PCBP3: variants seen among roughly 807,000 people sequenced by gnomAD.
PCBP3 encodes poly(rC) binding protein 3.
In PCBP3, 25 loss-of-function variants were observed where a neutral mutation model predicts 52.7. The ratio of observed to expected loss-of-function variants is 0.47; its 90% CI spans 0.35 to 0.66. The LOEUF (loss-of-function observed/expected upper bound fraction) is 0.66. Ranked by LOEUF, PCBP3 falls within the 30% of genes least tolerant of loss-of-function variation. The pLI is 0.01. For missense variants in PCBP3, 391 were observed against 490.3 expected, an observed-to-expected ratio of 0.80 and a Z score of 1.91; for synonymous variants, 162 against 183.0, an observed-to-expected ratio of 0.89 and a Z score of 0.93.
At chr21:45,848,183 G>T (rs11089024) in intron 4 of PCBP3, 20,965 of 152,232 alleles carry the variant, frequency 0.14, 1,600 homozygotes, top group Middle Eastern at 0.28. Flanking sequence ...TGGTGTGGGA[G>T]CAGCCTGACC....
At chr21:45,916,987 A>G (rs1449239352) in intron 12 of PCBP3, 1 of 152,174 alleles carries the variant, frequency 6.6e-6, no homozygotes, top group Non-Finnish European at 1.5e-5. Flanking sequence ...TACTGAAGCC[A>G]AAATGAGGCC....
At chr21:45,941,092 C>T (rs2077420040) in intron 17 of PCBP3, among the ~76,000 whole-genome samples, 1 of 152,228 alleles carries the variant, frequency 6.6e-6, no homozygotes, top group Non-Finnish European at 1.5e-5. Context: ...ACTTTACCCA[C>T]TGATGCCCCG....
At chr21:45,783,806 C>A (rs970372024) in intron 4 of PCBP3, among the ~76,000 whole-genome samples, 4 of 152,134 alleles carry the variant, frequency 2.6e-5, no homozygotes, top group Non-Finnish European at 5.9e-5. Context: ...CCTACTCACG[C>A]CAGCAGTGGT....
chr21:45,709,792 A>G (rs2083707327), intron 2 of PCBP3, among the ~76,000 whole-genome samples: 1 of 152,148 alleles, frequency 6.6e-6, no homozygotes, highest in Admixed American at 6.6e-5. Context: ...TTTCTGTTCC[A>G]GGATCCTAGC....
chr21:45,646,107 C>CTCTCTCTCTCTCTCTCTCTCTCTCTGTG (rs1555895746), intron 1 of PCBP3, among the ~76,000 whole-genome samples: 9 of 83,782 alleles, frequency 1.1e-4, no homozygotes, highest in Non-Finnish European at 1.8e-4. Context: ...CTCTCTCTCT[C>CTCTCTCTCTCTCTCTCTCTCTCTCTGTG]TGTGTGTGTG....
intron 5 of PCBP3, among the ~76,000 whole-genome samples, chr21:45,873,715 C>T (rs893186623): frequency 2.0e-5 from 3 of 152,232 alleles, no homozygotes; most frequent in African/African-American, 4.8e-5. Context: ...CATGTCTGTG[C>T]GCACCTGTTT....
intron 9 of PCBP3, among the ~76,000 whole-genome samples, chr21:45,901,821 T>C (rs2096065238): frequency 6.6e-6 from 1 of 152,158 alleles, no homozygotes; most frequent in South Asian, 2.1e-4. Context: ...TGAATGAAAT[T>C]TTAATGTCTT....
intron 5 of PCBP3, among the ~76,000 whole-genome samples, chr21:45,881,499 G>A (rs775684760): frequency 6.6e-6 from 1 of 152,086 alleles, no homozygotes; most frequent in African/African-American, 2.4e-5. Context: ...TTTTGCCCAG[G>A]CTGGTCTTGA....
intron 3 of PCBP3, among the ~76,000 whole-genome samples, chr21:45,747,461 C>T (rs1478037771): frequency 3.3e-5 from 5 of 152,232 alleles, no homozygotes; most frequent in Non-Finnish European, 7.3e-5. Flanking sequence ...TGGACTCTGG[C>T]CAGCACAAGC....
chr21:45,646,947 C>G (rs1229629164), intron 1 of PCBP3, among the ~76,000 whole-genome samples: 1 of 152,138 alleles, frequency 6.6e-6, no homozygotes, highest in Non-Finnish European at 1.5e-5. Flanking sequence ...AGAGCTATAT[C>G]TACTCTCTTT....
intron 4 of PCBP3, among the ~76,000 whole-genome samples, chr21:45,846,779 G>A (rs908242485): frequency 1.8e-4 from 28 of 152,330 alleles, no homozygotes; most frequent in African/African-American, 6.3e-4. Flanking sequence ...TTTGAGGTGA[G>A]GCTGGACCTT....
At position 45,853,073 on chromosome 21, in the gene PCBP3, C is replaced by G. The variant is rs567445963; in HGVS notation, c.10+2978C>G. ...GTGGACTCGCACCAGGCATTGGGAG[C>G]AGATGCGGAAAGTGCACATGCCGCT... On this transcript the variant is annotated intron_variant, in intron 5 of 17. Coordinates refer to ENST00000681687, the MANE Select transcript of PCBP3 (RefSeq NM_001384156.1). The surrounding 1 kb of genome is among the most constrained non-coding windows in gnomAD (Gnocchi z 4.6). 4.8e-3 allele frequency among the ~76,000 whole-genome samples: 736 copies of G among 152,274 alleles called. 3 individuals are homozygous for G. The highest frequency in any genetic ancestry group is 0.01 in the Middle Eastern group (3 of 294).
intron 15 of PCBP3, 96 bp from the exon 16 acceptor site, chr21:45,935,157 C>T (rs2076749200): frequency 2.4e-6 from 2 of 829,582 alleles, no homozygotes; most frequent in Non-Finnish European, 2.0e-6. Flanking sequence ...CTCTACAGCC[C>T]TGTCTCACTT....
chr21:45,789,683 G>A (rs1288596914), intron 4 of PCBP3, among the ~76,000 whole-genome samples: 1 of 152,190 alleles, frequency 6.6e-6, no homozygotes, highest in South Asian at 2.1e-4. Flanking sequence ...TGAGGAGCAG[G>A]TCATTTGTGG....
At chr21:45,725,605 A>C (rs1223422951) in intron 2 of PCBP3, among the ~76,000 whole-genome samples, 1 of 152,132 alleles carries the variant, frequency 6.6e-6, no homozygotes, top group East Asian at 1.9e-4. Flanking sequence ...CAGGGGACAC[A>C]CAGGCAGGGT....
At chr21:45,775,619 A>C (rs928404038) in intron 4 of PCBP3, among the ~76,000 whole-genome samples, 1 of 152,120 alleles carries the variant, frequency 6.6e-6, no homozygotes, top group Admixed American at 6.5e-5. Flanking sequence ...AGGTCTTGCT[A>C]TGTTGCCCAG....
At chr21:45,770,512 T>C (rs892211840) in intron 4 of PCBP3, among the ~76,000 whole-genome samples, 1 of 152,242 alleles carries the variant, frequency 6.6e-6, no homozygotes, top group African/African-American at 2.4e-5. Context: ...GGCAGAGATT[T>C]TTTTATGGCT....
Position 45,815,093 on chromosome 21 carries a change from A to ATGAGTGAGTGG in PCBP3, c.-125-34861_-125-34851dup, listed in dbSNP as rs1344772753. The stretch of plus-strand genomic sequence containing the variant: ...ATGAGTGATGGGTGAGTGGTGAGTG[A>ATGAGTGAGTGG]TGAGTGAGTGGTGAGTGGTGAGTGA... On this transcript the variant is annotated intron_variant, in intron 4 of 17. Coordinates refer to ENST00000681687, the MANE Select transcript of PCBP3 (RefSeq NM_001384156.1). 3.6e-3 allele frequency among the ~76,000 whole-genome samples: 10 copies of ATGAGTGAGTGG among 2,750 alleles called. 5 individuals are homozygous for ATGAGTGAGTGG. Among genetic ancestry groups the ATGAGTGAGTGG allele is most frequent in the African/African-American group, 0.012 (6 of 496 alleles). The allele number at this position is 2,750 out of a possible 152,430, so 1.8% of individuals were successfully genotyped here. A position where few individuals can be genotyped will look rare whatever the true frequency, so the allele number is the denominator to read the frequency against.
intron 2 of PCBP3, among the ~76,000 whole-genome samples, chr21:45,702,165 A>T (rs972598538): frequency 6.6e-6 from 1 of 152,206 alleles, no homozygotes; most frequent in East Asian, 1.9e-4. Context: ...TAGTTGCAAC[A>T]TGGAGTCTGA....
Sources: gnomAD v4.1 joint callset for allele counts (sites outside exome capture counted in the v4.1 genomes callset) on GRCh38, gnomAD v4.1.1 for gene constraint, Gnocchi (gnomAD v3.1) non-coding constraint, MANE v1.5 for transcripts, NCBI Gene and HGNC (gene_info 2026-07-23, HGNC 2026-07-21) for gene names.